Variants in IQSEC1 observed in about 807,000 individuals in gnomAD.
The protein encoded by IQSEC1 is IQ motif and Sec7 domain ArfGEF 1, also known as IQ motif and SEC7 domain-containing protein 1.
In IQSEC1, 31 loss-of-function variants were observed where a neutral mutation model predicts 91.0. The ratio of observed to expected loss-of-function variants is 0.34; its 90% CI spans 0.26 to 0.46. IQSEC1 has a LOEUF of 0.46. IQSEC1 is among the 20% of genes least tolerant of loss of function. IQSEC1 has a pLI of 1.00. For missense variants in IQSEC1, 1,388 were observed against 1,575.6 expected, an observed-to-expected ratio of 0.88 and a Z score of 2.02; for synonymous variants, 699 against 662.6, an observed-to-expected ratio of 1.05 and a Z score of -0.84.
At chr3:12,954,715 A>G (rs1031755793) in intron 1 of IQSEC1, among the ~76,000 whole-genome samples, 2 of 152,230 alleles carry the variant, frequency 1.3e-5, no homozygotes, top group Non-Finnish European at 1.5e-5. Flanking sequence ...AAGTTTCCAC[A>G]GTGCCTAAAT....
Position 12,899,885 on chromosome 3 carries a change from G to T in IQSEC1, c.*1098C>A. On this transcript the variant is annotated 3_prime_UTR_variant, in exon 14 of 14. Transcript: ENST00000613206. ...GATGAGAGCTGGTCACTTTCATGTTGGAGATGAACACTTCTGCCGTGTATG... is the reference window on the plus strand; with the variant it reads ...GATGAGAGCTGGTCACTTTCATGTTTGAGATGAACACTTCTGCCGTGTATG... 3 of 985,268 alleles carry T rather than the reference G, an allele frequency of 3.0e-6. No individual in the cohort carries two copies. The highest frequency in any genetic ancestry group is 3.6e-6 in the Non-Finnish European group (3 of 829,892). 61.0% of individuals were successfully genotyped at this position (985,268 alleles called of 1,614,324 possible). A position where few individuals can be genotyped will look rare whatever the true frequency, so the allele number is the denominator to read the frequency against.
chr3:13,055,755 C>T (rs1704852993), intron 1 of IQSEC1, among the ~76,000 whole-genome samples: 1 of 152,222 alleles, frequency 6.6e-6, no homozygotes, highest in South Asian at 2.1e-4. Context: ...ATCACTGGGC[C>T]AAGGTCACAG....
chr3:13,216,862 A>C (rs4684920), intron 1 of IQSEC1, among the ~76,000 whole-genome samples: 69,821 of 152,060 alleles, frequency 0.46, 16,832 homozygotes, highest in African/African-American at 0.61. Context: ...TGCCCACTCC[A>C]GAACATATGG....
chr3:13,130,533 T>G (rs1706594674), intron 2 of IQSEC1, among the ~76,000 whole-genome samples: 1 of 152,144 alleles, frequency 6.6e-6, no homozygotes, highest in Non-Finnish European at 1.5e-5. Context: ...GAAGAATGTA[T>G]GTTGCTCTTG....
In IQSEC1 at chr3:12,983,200, C is replaced by G. The variant is rs1437333350; in HGVS notation, c.24-41335G>C. On this transcript the variant is annotated intron_variant, in intron 1 of 13. Transcript: ENST00000613206. The surrounding 1 kb of genome is among the most constrained non-coding windows in gnomAD (Gnocchi z 4.3). ...CAGATCTGAACTGGGTGCTCCAGCTCCAGCACCTAAGCCCCATCCTCTGCA... is the reference window on the plus strand; with the variant it reads ...CAGATCTGAACTGGGTGCTCCAGCTGCAGCACCTAAGCCCCATCCTCTGCA... Among the ~76,000 whole-genome samples the G allele has an allele frequency of 3.9e-5, 6 of 152,264 alleles. No homozygotes were observed. Among genetic ancestry groups the G allele is most frequent in the African/African-American group, 1.4e-4 (6 of 41,468 alleles).
chr3:12,900,415 A>AC lies in IQSEC1; in HGVS notation c.*567_*568insG. On this transcript the variant is annotated 3_prime_UTR_variant, in exon 14 of 14. Coordinates refer to ENST00000613206, the MANE Select transcript of IQSEC1 (RefSeq NM_001134382.3). ...GGTGGGTATTGCTAATGTGGACTGAAACGCCTGCCTTTCACACACAAGTAC... is the reference window on the plus strand; with the variant it reads ...GGTGGGTATTGCTAATGTGGACTGAACACGCCTGCCTTTCACACACAAGTAC... 3.1e-6 allele frequency: 3 copies of AC among 983,176 alleles called. No homozygotes were observed. The highest frequency in any genetic ancestry group is 3.6e-6 in the Non-Finnish European group (3 of 828,926). The allele number at this position is 983,176 out of a possible 1,614,324, so 60.9% of individuals were successfully genotyped here.
At chr3:13,113,053 T>C (rs558087140) in intron 2 of IQSEC1, among the ~76,000 whole-genome samples, 12 of 152,350 alleles carry the variant, frequency 7.9e-5, no homozygotes, top group South Asian at 2.1e-4. Flanking sequence ...TGGGAGCTGC[T>C]GCTCTTTCCA....
chr3:12,987,638 T>C (rs893457714), intron 1 of IQSEC1, among the ~76,000 whole-genome samples: 6 of 152,182 alleles, frequency 3.9e-5, no homozygotes, highest in Admixed American at 2.6e-4. Context: ...CCCAACACCC[T>C]GTAAAGAGTG....
intron 1 of IQSEC1, among the ~76,000 whole-genome samples, chr3:13,192,195 A>G (rs575594863): frequency 0.023 from 3,508 of 151,860 alleles, 47 homozygotes; most frequent in Middle Eastern, 0.044. Flanking sequence ...GAAATTAGCC[A>G]GGCATGGTGG....
chr3:12,928,093 G>A (rs933706617), intron 3 of IQSEC1, among the ~76,000 whole-genome samples: 4 of 152,226 alleles, frequency 2.6e-5, no homozygotes, highest in Non-Finnish European at 5.9e-5. Context: ...GAGATCGTGG[G>A]CCAGGGCCCA....
rs1273227514 is a variant in IQSEC1, at chr3:12,900,947, G to T, written c.*36C>A. The T allele has an allele frequency of 6.5e-7, 1 of 1,540,090 alleles. No individual in the cohort carries two copies. The highest frequency in any genetic ancestry group is 8.7e-7 in the Non-Finnish European group (1 of 1,146,734). On this transcript the variant is annotated 3_prime_UTR_variant, in exon 14 of 14. Transcript: ENST00000613206. Reference sequence around the variant, plus strand: ...CGGGCGTGCCCTGTGTGGTGTGCAGGTGTTTCAGGGAGCCTGGGACCCCTA... The same window carrying T: ...CGGGCGTGCCCTGTGTGGTGTGCAGTTGTTTCAGGGAGCCTGGGACCCCTA...
At chr3:13,067,566 G>A (rs1705277583) in intron 1 of IQSEC1, among the ~76,000 whole-genome samples, 1 of 152,240 alleles carries the variant, frequency 6.6e-6, no homozygotes, top group South Asian at 2.1e-4. Flanking sequence ...GCGGCCAAGA[G>A]ATCTGGAACC....
At position 13,039,914 on chromosome 3, in the gene IQSEC1, C is replaced by T. The variant is rs536926424; in HGVS notation, c.23+33078G>A. ...CCTGGTTAAATCCCAGTGGCACCACCGACTGGCCATGAGCCCTTGGACAAG... is the reference window on the plus strand; with the variant it reads ...CCTGGTTAAATCCCAGTGGCACCACTGACTGGCCATGAGCCCTTGGACAAG... On this transcript the variant is annotated intron_variant, in intron 1 of 13. Coordinates refer to ENST00000613206, the MANE Select transcript of IQSEC1 (RefSeq NM_001134382.3). Among the ~76,000 whole-genome samples, 82 of 152,370 alleles carry T rather than the reference C, an allele frequency of 5.4e-4. 1 individual carries two copies. Among genetic ancestry groups the T allele is most frequent in the African/African-American group, 1.5e-3 (63 of 41,594 alleles).
Position 12,992,062 on chromosome 3 carries a change from A to G in IQSEC1, c.24-50197T>C, listed in dbSNP as rs1046853572. Among the ~76,000 whole-genome samples, 2 of 152,002 alleles carry G rather than the reference A, an allele frequency of 1.3e-5. No individual in the cohort carries two copies. The highest frequency in any genetic ancestry group is 6.5e-5 in the Admixed American group (1 of 15,284). On this transcript the variant is annotated intron_variant, in intron 1 of 13. Coordinates refer to ENST00000613206, the MANE Select transcript of IQSEC1 (RefSeq NM_001134382.3). The surrounding 1 kb of genome is among the most constrained non-coding windows in gnomAD (Gnocchi z 4.1). The stretch of plus-strand genomic sequence containing the variant: ...CACAGGCCCCCTCCCTTGTCCCTCC[A>G]CTGCAGAGACCTCTGAGGGGACACC...
At chr3:13,247,834 G>A (rs968951125) in intron 1 of IQSEC1, among the ~76,000 whole-genome samples, 6 of 152,030 alleles carry the variant, frequency 3.9e-5, no homozygotes, top group African/African-American at 1.4e-4. Context: ...CCCACTGCAC[G>A]TTCCCCATCT....
chr3:13,117,820 G>A (rs994565243), intron 2 of IQSEC1, among the ~76,000 whole-genome samples: 2 of 152,094 alleles, frequency 1.3e-5, no homozygotes, highest in Non-Finnish European at 1.5e-5. Context: ...GGGAGGCAGA[G>A]GTTGCAGTGA....
intron 1 of IQSEC1, among the ~76,000 whole-genome samples, chr3:12,993,560 C>T (rs538064786): frequency 3.3e-5 from 5 of 152,256 alleles, no homozygotes; most frequent in African/African-American, 9.6e-5. Context: ...GATTCACGTA[C>T]CCCCGCTTCG....
In IQSEC1 at chr3:12,924,545, G is replaced by T; in HGVS notation, c.1730+36C>A. 6.5e-7 allele frequency: 1 copy of T among 1,547,770 alleles called. No homozygotes were observed. Among genetic ancestry groups the T allele is most frequent in the Non-Finnish European group, 8.8e-7 (1 of 1,139,072 alleles). On this transcript the variant is annotated intron_variant, in intron 4 of 13. Coordinates refer to ENST00000613206, the MANE Select transcript of IQSEC1 (RefSeq NM_001134382.3). The surrounding 1 kb of genome is among the most constrained non-coding windows in gnomAD (Gnocchi z 6.3). ...CACAGGGTGCGTGAGGGCGTGTGTG[G>T]AATCAGGTCCCCCACCACCCCCATG... is the stretch of plus-strand genomic sequence containing the variant.
intron 3 of IQSEC1, among the ~76,000 whole-genome samples, chr3:12,932,483 A>G (rs1373702009): frequency 6.6e-6 from 1 of 152,206 alleles, no homozygotes; most frequent in Admixed American, 6.5e-5. Flanking sequence ...TTAGCGCGTG[A>G]CAGGCCCTGG....
Sources: gnomAD v4.1 joint callset for allele counts (sites outside exome capture counted in the v4.1 genomes callset) on GRCh38, gnomAD v4.1.1 for gene constraint, Gnocchi (gnomAD v3.1) non-coding constraint, MANE v1.5 for transcripts, NCBI Gene and HGNC (gene_info 2026-07-23, HGNC 2026-07-21) for gene names.